The following EPSTI1 variants were observed in gnomAD, a reference collection of about 807,000 sequenced individuals.
The protein encoded by EPSTI1 is epithelial stromal interaction 1, also known as epithelial-stromal interaction protein 1.
EPSTI1 carries 66 observed loss-of-function variants against 49.9 expected under a neutral mutation model. That is an observed-to-expected ratio of 1.32 (90% confidence interval 1.08 to 1.62). EPSTI1 has a LOEUF of 1.62. EPSTI1 is among the 40% of genes most tolerant of loss of function. The pLI, the probability that EPSTI1 is intolerant of heterozygous loss-of-function variation, is 0.00. For synonymous variants in EPSTI1, 137 were observed against 130.7 expected (o/e 1.05, Z -0.33); for missense variants, 394 against 365.5 (o/e 1.08, Z -0.64).
chr13:42,890,296 C>CTTTTCTTTT (rs1470146396), intron 10 of EPSTI1, among the ~76,000 whole-genome samples: 11 of 116,306 alleles, frequency 9.5e-5, no homozygotes, highest in Non-Finnish European at 1.2e-4. Context: ...TTTTTCTTTT[C>CTTTTCTTTT]TTTTTTTTTT....
At chr13:42,894,232 A>G (rs1408165) in intron 10 of EPSTI1, among the ~76,000 whole-genome samples, 57,495 of 152,148 alleles carry the variant, frequency 0.38, 11,227 homozygotes, top group East Asian at 0.6. Flanking sequence ...TAGATTTTCT[A>G]GGTCAGCAAG....
rs2038041360 is a variant in EPSTI1, at chr13:42,922,561, A to G, written c.657+3775T>C. ...CCCTCATTTTAGCATTTTAAAACCC[A>G]TTTTTATTGCTGACCTCCAGAAGTG... On this transcript the variant is annotated intron_variant, in intron 7 of 10. Transcript: ENST00000313624. The surrounding 1 kb of genome is among the most constrained non-coding windows in gnomAD (Gnocchi z 4.8). 6.6e-6 allele frequency among the ~76,000 whole-genome samples: 1 copy of G among 152,146 alleles called. No homozygotes were observed. Among genetic ancestry groups the G allele is most frequent in the Non-Finnish European group, 1.5e-5 (1 of 68,018 alleles).
At chr13:42,933,619 T>C (rs987649491) in intron 6 of EPSTI1, among the ~76,000 whole-genome samples, 4 of 152,216 alleles carry the variant, frequency 2.6e-5, no homozygotes, top group African/African-American at 9.7e-5. Context: ...TTGTTTAAGA[T>C]TTCAGCCTTT....
Position 42,956,310 on chromosome 13 carries a change from T to C in EPSTI1, c.490-2289A>G, listed in dbSNP as rs553731370. Among the ~76,000 whole-genome samples, 214 of 152,310 alleles carry C rather than the reference T, an allele frequency of 1.4e-3. 2 individuals are homozygous for C. Among genetic ancestry groups the C allele is most frequent in the African/African-American group, 4.4e-3 (184 of 41,568 alleles). ...GTGCTTCTTTCTATGGAGAGTGGAC[T>C]CACAGCTTTCTTCATATTCCCCAAA... On this transcript the variant is annotated intron_variant, in intron 5 of 10. Transcript: ENST00000313624.
intron 6 of EPSTI1, among the ~76,000 whole-genome samples, chr13:42,943,387 A>G (rs945413628): frequency 1.3e-5 from 2 of 152,190 alleles, no homozygotes; most frequent in African/African-American, 4.8e-5. Context: ...GTTACACTGT[A>G]TTCAGCGTCT....
chr13:42,923,604 C>T (rs1354625929), intron 7 of EPSTI1, among the ~76,000 whole-genome samples: 1 of 152,112 alleles, frequency 6.6e-6, no homozygotes, highest in Non-Finnish European at 1.5e-5. Context: ...AAACCAGAGA[C>T]TAGAAACCAT....
intron 3 of EPSTI1, among the ~76,000 whole-genome samples, chr13:42,967,805 C>T (rs1224566001): frequency 6.6e-6 from 1 of 152,116 alleles, no homozygotes; most frequent in Admixed American, 6.5e-5. Flanking sequence ...TTACGAACCC[C>T]GAACTCTCTT....
chr13:42,914,616 T>G (rs933906594), intron 8 of EPSTI1, among the ~76,000 whole-genome samples: 1 of 152,102 alleles, frequency 6.6e-6, no homozygotes, highest in African/African-American at 2.4e-5. Context: ...AAGGATGAGG[T>G]GGGTAATAAA....
intron 3 of EPSTI1, among the ~76,000 whole-genome samples, 175 bp downstream of exon 3, chr13:42,968,919 A>C (rs545326720): frequency 0.061 from 3,312 of 54,456 alleles, 148 homozygotes; most frequent in African/African-American, 0.21. Context: ...AAAAAAAAAA[A>C]ATACACACAC....
At position 42,917,631 on chromosome 13, in the gene EPSTI1, A is replaced by C; in HGVS notation, c.658-7T>G. 1.5e-6 allele frequency: 1 copy of C among 677,812 alleles called. No homozygotes were observed. Among genetic ancestry groups the C allele is most frequent in the Non-Finnish European group, 2.3e-6 (1 of 433,014 alleles). 42.0% of individuals were successfully genotyped at this position (677,812 alleles called of 1,614,324 possible). On this transcript the variant is annotated splice_region_variant and splice_polypyrimidine_tract_variant and intron_variant, in intron 7 of 10. Transcript: ENST00000313624. ...TGTAAGCCCAGCTTCTGGCCTGTAA[A>C]GGTACAAAGAGAAAAAAAAAAAAAA...
At chr13:42,895,136 G>C in intron 9 of EPSTI1, 28 bp from the exon 10 acceptor site, 1 of 1,564,064 alleles carries the variant, frequency 6.4e-7, no homozygotes, top group Non-Finnish European at 8.8e-7. Context: ...ATGTGTGTGA[G>C]TAGAAAACTT....
intron 6 of EPSTI1, among the ~76,000 whole-genome samples, chr13:42,950,099 C>T (rs1363684450): frequency 2.0e-5 from 3 of 152,106 alleles, no homozygotes; most frequent in Non-Finnish European, 4.4e-5. Flanking sequence ...GGCTAACTGC[C>T]GATTTCTACC....
At chr13:42,966,749 C>G (rs1376964105) in intron 3 of EPSTI1, among the ~76,000 whole-genome samples, 2 of 85,400 alleles carry the variant, frequency 2.3e-5, no homozygotes, top group Non-Finnish European at 2.7e-5. Flanking sequence ...GGGGCGCCTC[C>G]GCCCGGCCAC....
intron 10 of EPSTI1, among the ~76,000 whole-genome samples, chr13:42,889,057 T>G (rs2036951093): frequency 6.6e-6 from 1 of 152,202 alleles, no homozygotes; most frequent in East Asian, 1.9e-4. Context: ...TCTAACACTT[T>G]GAGAAATTAA....
intron 6 of EPSTI1, among the ~76,000 whole-genome samples, chr13:42,950,139 C>T (rs948792104): frequency 6.6e-6 from 1 of 152,196 alleles, no homozygotes; most frequent in African/African-American, 2.4e-5. Flanking sequence ...AATCCTAAAA[C>T]GAATTCTAAA....
Position 42,966,779 on chromosome 13 carries a change from G to A in EPSTI1, c.331+2315C>T, listed in dbSNP as rs1409111950. ...GGCCACCACCCCGTCTGGGAGGTGTGCCCAACAGCTCATTGAGAACGGGCC... is the reference window on the plus strand; with the variant it reads ...GGCCACCACCCCGTCTGGGAGGTGTACCCAACAGCTCATTGAGAACGGGCC... On this transcript the variant is annotated intron_variant, in intron 3 of 10. Coordinates refer to ENST00000313624, the MANE Select transcript of EPSTI1 (RefSeq NM_033255.5). Among the ~76,000 whole-genome samples the A allele has an allele frequency of 3.8e-4, 33 of 87,954 alleles. 11 individuals carry two copies. The highest frequency in any genetic ancestry group is 7.8e-4 in the Non-Finnish European group (30 of 38,514). The allele number at this position is 87,954 out of a possible 152,430, so 57.7% of individuals were successfully genotyped here.
In EPSTI1 at chr13:42,891,334, C is replaced by T. The variant is rs9888465; in HGVS notation, c.916-2832G>A. Among the ~76,000 whole-genome samples, 836 of 152,214 alleles carry T rather than the reference C, an allele frequency of 5.5e-3. 6 individuals are homozygous for T. The highest frequency in any genetic ancestry group is 0.019 in the African/African-American group (789 of 41,530). ...TCCTTGAAAGTTTAATAGAATTTGG[C>T]TCTAATATGTATAGGCCTGGTCTTC... On this transcript the variant is annotated intron_variant, in intron 10 of 10. Transcript: ENST00000313624.
chr13:42,900,512 T>A, intron 8 of EPSTI1, 129 bp from the exon 9 acceptor site: 1 of 822,060 alleles, frequency 1.2e-6, no homozygotes, highest in Non-Finnish European at 1.9e-6. Context: ...ACTTAAGTAC[T>A]ATTTGGATGT....
chr13:42,984,635 T>C (rs2040046418), intron 1 of EPSTI1, among the ~76,000 whole-genome samples: 1 of 152,246 alleles, frequency 6.6e-6, no homozygotes, highest in African/African-American at 2.4e-5. Flanking sequence ...AATTACAAAA[T>C]ACTTTACAAA....
Sources: gnomAD v4.1 joint callset for allele counts (sites outside exome capture counted in the v4.1 genomes callset) on GRCh38, gnomAD v4.1.1 for gene constraint, Gnocchi (gnomAD v3.1) non-coding constraint, MANE v1.5 for transcripts, NCBI Gene and HGNC (gene_info 2026-07-23, HGNC 2026-07-21) for gene names.